The following PTGER3 variants were observed in gnomAD, a reference collection of about 807,000 sequenced individuals.
The protein encoded by PTGER3 is prostaglandin E2 receptor EP3 subtype.
A neutral mutation model predicts 34.7 loss-of-function variants in PTGER3; 22 were observed. The observed-to-expected ratio is 0.63, with a 90% CI of 0.45 to 0.91. The LOEUF is 0.91. Among genes scored for constraint, PTGER3 ranks in the 40% least tolerant of loss-of-function variants. The pLI is 0.00. For missense variants in PTGER3, 468 were observed against 519.4 expected (o/e 0.90, Z 0.96); for synonymous variants, 241 against 230.1 (o/e 1.05, Z -0.43).
chr1:70,873,682 C>G (rs1331906146), intron 4 of PTGER3, among the ~76,000 whole-genome samples: 2 of 150,406 alleles, frequency 1.3e-5, no homozygotes, highest in Non-Finnish European at 3.0e-5. Flanking sequence ...GAGTCTTGCC[C>G]TGTCACCCAG....
intron 4 of PTGER3, among the ~76,000 whole-genome samples, chr1:70,874,994 G>A (rs1234452006): frequency 4.6e-5 from 7 of 152,054 alleles, no homozygotes; most frequent in South Asian, 2.1e-4. Context: ...ATTCCTCTGC[G>A]CATTCTGACA....
intron 4 of PTGER3, among the ~76,000 whole-genome samples, chr1:70,905,289 AC>A (rs1225951630): frequency 1.3e-5 from 2 of 152,054 alleles, no homozygotes; most frequent in Non-Finnish European, 2.9e-5. Flanking sequence ...GGGTCAGAGC[AC>A]CCACACAGTG....
intron 4 of PTGER3, among the ~76,000 whole-genome samples, chr1:70,859,902 T>G (rs1645890076): frequency 6.6e-6 from 1 of 152,210 alleles, no homozygotes; most frequent in Admixed American, 6.5e-5. Flanking sequence ...TAGAACTTAC[T>G]ATTTGGTTAT....
At chr1:70,883,519 G>C (rs1445104393) in intron 4 of PTGER3, among the ~76,000 whole-genome samples, 6 of 152,066 alleles carry the variant, frequency 3.9e-5, no homozygotes, top group South Asian at 2.1e-4. Context: ...AAATTTATAG[G>C]TATGATGAAC....
At position 70,863,089 on chromosome 1, in the gene PTGER3, A is replaced by C. The variant is rs911380793; in HGVS notation, c.*24-10230T>G. Among the ~76,000 whole-genome samples the C allele has an allele frequency of 9.2e-5, 14 of 151,948 alleles. 1 individual carries two copies. The highest frequency in any genetic ancestry group is 7.4e-5 in the Non-Finnish European group (5 of 67,972). On this transcript the variant is annotated intron_variant, in intron 4 of 4. Coordinates refer to the PTGER3 transcript ENST00000370931. ...CCGATGCCCAGGTTCTCTGTCTTAGAGAAAGAGATGATGGGCCATAACATG... is the reference window on the plus strand; with the variant it reads ...CCGATGCCCAGGTTCTCTGTCTTAGCGAAAGAGATGATGGGCCATAACATG...
Position 71,038,538 on chromosome 1 carries a change from C to T in PTGER3, c.897+8143G>A, listed in dbSNP as rs115568496. Among the ~76,000 whole-genome samples, 1,142 of 152,206 alleles carry T rather than the reference C, an allele frequency of 7.5e-3. 18 individuals are homozygous for T. Among genetic ancestry groups the T allele is most frequent in the African/African-American group, 0.026 (1,097 of 41,540 alleles). ...TCTGCTACCATTTTTCATTTTAGAT[C>T]GATGATCCTTCAAATATCTATCATA... On this transcript the variant is annotated intron_variant, in intron 1 of 3. Coordinates refer to ENST00000306666, the MANE Select transcript of PTGER3 (RefSeq NM_198719.2).
At position 70,885,397 on chromosome 1, in the gene PTGER3, C is replaced by G. The variant is rs1646476763; in HGVS notation, c.*24-32538G>C. 3.3e-5 allele frequency among the ~76,000 whole-genome samples: 5 copies of G among 151,774 alleles called. No homozygotes were observed. The South Asian group carries it at 1.0e-3, about 32-fold the overall frequency. On this transcript the variant is annotated intron_variant, in intron 4 of 4. Coordinates refer to the PTGER3 transcript ENST00000370931. Reference sequence around the variant, plus strand: ...TTAACCCATGTATGTACATAACACTCTAAGAAAGATACAAAGAATATAATA... The same window carrying G: ...TTAACCCATGTATGTACATAACACTGTAAGAAAGATACAAAGAATATAATA...
intron 4 of PTGER3, among the ~76,000 whole-genome samples, chr1:70,916,647 A>G (rs150829831): frequency 0.011 from 1,650 of 152,072 alleles, 30 homozygotes; most frequent in African/African-American, 0.037. Flanking sequence ...ACCAAATACT[A>G]TATGTTCTCA....
At chr1:70,924,153 G>A (rs1026193099) in intron 4 of PTGER3, among the ~76,000 whole-genome samples, 4 of 151,790 alleles carry the variant, frequency 2.6e-5, no homozygotes, top group African/African-American at 9.7e-5. Flanking sequence ...CACATGGTAG[G>A]GCTTGGCTTA....
chr1:70,967,203 A>G (rs1344605645), downstream of PTGER3, among the ~76,000 whole-genome samples: 2 of 152,210 alleles, frequency 1.3e-5, no homozygotes, highest in Non-Finnish European at 2.9e-5. Context: ...TAGAGAATCA[A>G]CTGCCAACTA....
chr1:70,977,612 A>T (rs777936202), intron 2 of PTGER3, among the ~76,000 whole-genome samples: 2 of 151,950 alleles, frequency 1.3e-5, no homozygotes, highest in Non-Finnish European at 2.9e-5. Context: ...AAAAAGAGAA[A>T]ACCATCCTAG....
intron 4 of PTGER3, among the ~76,000 whole-genome samples, chr1:70,866,695 G>A (rs762669513): frequency 5.3e-5 from 8 of 152,128 alleles, no homozygotes; most frequent in Admixed American, 2.0e-4. Context: ...CTTGATTTCT[G>A]GCCATCAAAC....
intron 2 of PTGER3, among the ~76,000 whole-genome samples, chr1:70,996,637 A>ATTTT (rs201056549): frequency 4.1e-5 from 2 of 48,604 alleles, no homozygotes; most frequent in Non-Finnish European, 7.8e-5. Context: ...ATTTTTTTGT[A>ATTTT]TTTTTATTTA....
intron 4 of PTGER3, among the ~76,000 whole-genome samples, chr1:70,945,085 A>G (rs1356188211): frequency 6.6e-6 from 1 of 152,142 alleles, no homozygotes; most frequent in Non-Finnish European, 1.5e-5. Flanking sequence ...TGGCTGAGGA[A>G]CTATTCGAAC....
At chr1:70,869,057 G>A (rs914513696) in intron 4 of PTGER3, among the ~76,000 whole-genome samples, 3 of 152,118 alleles carry the variant, frequency 2.0e-5, no homozygotes, top group African/African-American at 7.2e-5. Context: ...AAATAAATGA[G>A]CCAGTCTCAC....
intron 4 of PTGER3, among the ~76,000 whole-genome samples, chr1:70,926,573 A>G (rs1416857293): frequency 6.6e-6 from 1 of 152,076 alleles, no homozygotes; most frequent in African/African-American, 2.4e-5. Flanking sequence ...GCTTAAGGAG[A>G]TTTTGGGCTG....
intron 2 of PTGER3, among the ~76,000 whole-genome samples, chr1:70,988,369 G>A (rs1655117958): frequency 6.6e-6 from 1 of 152,090 alleles, no homozygotes; most frequent in South Asian, 2.1e-4. Flanking sequence ...CTTTCTACCA[G>A]AGCCCTGATT....
chr1:70,926,678 C>T (rs1648123177), intron 4 of PTGER3, among the ~76,000 whole-genome samples: 1 of 151,918 alleles, frequency 6.6e-6, no homozygotes, highest in Non-Finnish European at 1.5e-5. Flanking sequence ...TTATTTCCTT[C>T]TCCTGACTAA....
intron 4 of PTGER3, among the ~76,000 whole-genome samples, chr1:70,884,897 C>A (rs912311390): frequency 2.6e-5 from 4 of 152,160 alleles, no homozygotes; most frequent in Non-Finnish European, 5.9e-5. Context: ...AACTCCATCA[C>A]GTTCCTAGAT....
Sources: allele counts gnomAD v4.1 joint callset (sites outside exome capture counted in the v4.1 genomes callset), GRCh38; gene constraint gnomAD v4.1.1; transcripts MANE v1.5; gene names NCBI Gene and HGNC (gene_info 2026-07-23, HGNC 2026-07-21).